Variants in ITFG2 observed in about 807,000 individuals in gnomAD.
The protein encoded by ITFG2 is integrin alpha FG-GAP repeat containing 2.
Under a neutral mutation model 54.4 loss-of-function variants are expected in ITFG2, and 36 were observed. The observed-to-expected ratio is 0.66, with a 90% CI of 0.51 to 0.87. The LOEUF is 0.87. ITFG2 is among the 40% of genes least tolerant of loss of function. The pLI, the probability that ITFG2 is intolerant of heterozygous loss-of-function variation, is 0.00. For synonymous variants in ITFG2, 211 were observed against 225.4 expected (o/e 0.94, Z 0.57); for missense variants, 524 against 576.7 (o/e 0.91, Z 0.94).
intron 3 of ITFG2, chr12:2,859,221 C>T (rs912730887): frequency 2.6e-5 from 42 of 1,612,860 alleles, no homozygotes; most frequent in Non-Finnish European, 3.5e-5. Context: ...TGCGGCCCAG[C>T]GGGAAGTACT....
Position 2,845,513 on chromosome 12 carries a change from G to A in ITFG2, n.300+4518G>A, listed in dbSNP as rs1565444277. Among the ~76,000 whole-genome samples, 1 of 152,198 alleles carries A rather than the reference G, an allele frequency of 6.6e-6. No individual in the cohort carries two copies. Among genetic ancestry groups the A allele is most frequent in the Non-Finnish European group, 1.5e-5 (1 of 68,036 alleles). On this transcript the variant is annotated intron_variant and non_coding_transcript_variant, in intron 2 of 3. Transcript: ENST00000537710. This position sits in a 1 kb window ranked among gnomAD's most constrained non-coding sequence, Gnocchi z 4.2. ...TGACACCAAGATCAGGCTTGGAAAG[G>A]GGGAGGTGGAGGGAGGGGAGTTTTT...
At chr12:2,847,028 C>T (rs2098055083) in intron 2 of ITFG2, among the ~76,000 whole-genome samples, 2 of 152,178 alleles carry the variant, frequency 1.3e-5, no homozygotes, top group South Asian at 2.1e-4. Context: ...TCCCCTCCTC[C>T]AGCATCTGGG....
chr12:2,843,189 A>G (rs914713990), intron 2 of ITFG2, among the ~76,000 whole-genome samples: 3 of 152,170 alleles, frequency 2.0e-5, no homozygotes, highest in African/African-American at 7.2e-5. Context: ...TGGAGGGTTA[A>G]GGGCAGCCAG....
At chr12:2,813,219 T>C (rs2097913496) in intron 1 of ITFG2, among the ~76,000 whole-genome samples, 1 of 152,184 alleles carries the variant, frequency 6.6e-6, no homozygotes, top group South Asian at 2.1e-4. Context: ...GTGTTTTTAG[T>C]AGAGGTGGGG....
Position 2,817,407 on chromosome 12 carries a change from C to T in ITFG2, c.192+89C>T, listed in dbSNP as rs1174187391. ...GGGTGAGCCCCACACAGGTGCTCAC[C>T]CATGTGTCCTGACTCCCTAGCTACT... On this transcript the variant is annotated intron_variant, in intron 2 of 11. Transcript: ENST00000228799. 6.3e-5 allele frequency: 55 copies of T among 870,886 alleles called. No homozygotes were observed. In the East Asian group the frequency reaches 1.4e-3, roughly 23 times the overall value. The allele number at this position is 870,886 out of a possible 1,614,324, so 53.9% of individuals were successfully genotyped here.
At chr12:2,851,670 TTA>T (rs201501493) in intron 2 of ITFG2, among the ~76,000 whole-genome samples, 5 of 149,932 alleles carry the variant, frequency 3.3e-5, no homozygotes, top group African/African-American at 1.2e-4. Flanking sequence ...TTAATTTTAT[TTA>T]TTTTTTTTAT....
chr12:2,830,804 CT>C (rs1460854082), intron 2 of ITFG2: 2 of 1,613,746 alleles, frequency 1.2e-6, no homozygotes, highest in African/African-American at 1.3e-5. Context: ...GAGGCTCCCC[CT>C]GAAGCCAATT....
rs2097958191 is a variant in ITFG2, at chr12:2,824,657, A to C, written c.*464A>C. The C allele has an allele frequency of 5.2e-6, 1 of 190,804 alleles. No individual in the cohort carries two copies. The highest frequency in any genetic ancestry group is 1.1e-5 in the Non-Finnish European group (1 of 90,884). The allele number at this position is 190,804 out of a possible 1,614,324, so 11.8% of individuals were successfully genotyped here. On this transcript the variant is annotated 3_prime_UTR_variant, in exon 12 of 12. Transcript: ENST00000228799. The stretch of plus-strand genomic sequence containing the variant: ...TCTTGACGTTAGTAATTGTTAAAGG[A>C]ATGGCAAACTGTTTTGTTTTGAAGG...
chr12:2,815,136 G>C, intron 1 of ITFG2, among the ~76,000 whole-genome samples: 1 of 152,074 alleles, frequency 6.6e-6, no homozygotes, highest in East Asian at 1.9e-4. Flanking sequence ...GAGCCACCGC[G>C]CCCAGCCAGA....
chr12:2,821,572 C>G lies in ITFG2; in HGVS notation c.823C>G (p.Leu275Val), dbSNP rs776414355. 1 of 1,614,216 alleles carries G rather than the reference C, an allele frequency of 6.2e-7. No homozygotes were observed. The highest frequency in any genetic ancestry group is 1.1e-5 in the South Asian group (1 of 91,086). ...GHGTESSGSG[L>V]FALCTLDGTL... ...CGGCACTGAGAGTAGTGGCTCTGGC[C>G]TCTTTGCCCTGTGCACCCTGGATGG... The change falls in exon 8 of 12, where the codon CTC becomes GTC. Residue 275 changes from leucine (L) to valine (V), a missense_variant. Coordinates refer to ENST00000228799, the MANE Select transcript of ITFG2 (RefSeq NM_018463.4).
intron 4 of ITFG2, 177 bp from the exon 5 acceptor site, chr12:2,819,909 C>G: frequency 1.5e-6 from 1 of 655,362 alleles, no homozygotes; most frequent in Admixed American, 3.6e-5. Flanking sequence ...AACAGATGGA[C>G]CAAATGGACG....
At chr12:2,858,931 C>T in intron 3 of ITFG2, 1 of 1,613,704 alleles carries the variant, frequency 6.2e-7, no homozygotes. Flanking sequence ...AGGGGGGGAG[C>T]ACTTTGCAAG....
upstream of ITFG2, among the ~76,000 whole-genome samples, chr12:2,831,816 C>CT (rs1440074015): frequency 2.0e-5 from 3 of 152,100 alleles, no homozygotes; most frequent in Non-Finnish European, 4.4e-5. Flanking sequence ...AGACTGGACT[C>CT]TAATTCCTTG....
intron 4 of ITFG2, among the ~76,000 whole-genome samples, chr12:2,819,011 C>G (rs75965876): frequency 2.7e-4 from 40 of 150,736 alleles, no homozygotes; most frequent in Non-Finnish European, 3.5e-4. Context: ...GACTCCGTCT[C>G]CAAAAAAAAA....
upstream of ITFG2, chr12:2,834,938 A>G: frequency 6.2e-7 from 1 of 1,607,876 alleles, no homozygotes. Context: ...CTCTCTTTCC[A>G]ACAGGAGGGT....
chr12:2,844,685 C>T (rs925597527), intron 2 of ITFG2, among the ~76,000 whole-genome samples: 6 of 152,042 alleles, frequency 3.9e-5, no homozygotes, highest in Non-Finnish European at 7.4e-5. Flanking sequence ...TTTTATTTCC[C>T]GCTTCCATTC....
At chr12:2,851,452 C>T (rs2098070632) in intron 2 of ITFG2, among the ~76,000 whole-genome samples, 1 of 152,118 alleles carries the variant, frequency 6.6e-6, no homozygotes, top group South Asian at 2.1e-4. Flanking sequence ...AAGCGATTCT[C>T]CTGCCTCAGC....
At position 2,859,497 on chromosome 12, in the gene ITFG2, T is replaced by C. The variant is rs546655855; in HGVS notation, n.621-37T>C. The C allele has an allele frequency of 4.3e-6, 7 of 1,614,010 alleles. No homozygotes were observed. The African/African-American group carries it at 6.7e-5, about 15-fold the overall frequency. ...CTCTTCCAAGGGAGGGCTCTCCACT[T>C]TGATGGGTCTCGCTAAGTGTGGCAT... On this transcript the variant is annotated intron_variant and non_coding_transcript_variant, in intron 3 of 3. Coordinates refer to the ITFG2 transcript ENST00000537710.
At chr12:2,814,302 A>G (rs1242342626) in intron 1 of ITFG2, among the ~76,000 whole-genome samples, 2 of 152,138 alleles carry the variant, frequency 1.3e-5, no homozygotes, top group African/African-American at 2.4e-5. Context: ...TTTCCATTTT[A>G]TCTGATTGCC....
Sources: gnomAD v4.1 joint callset for allele counts (sites outside exome capture counted in the v4.1 genomes callset) on GRCh38, gnomAD v4.1.1 for gene constraint, Gnocchi (gnomAD v3.1) non-coding constraint, MANE v1.5 for transcripts, NCBI Gene and HGNC (gene_info 2026-07-23, HGNC 2026-07-21) for gene names.